Variants in CAB39L observed in about 807,000 individuals in gnomAD.
CAB39L encodes calcium binding protein 39 like, also known as calcium-binding protein 39-like.
CAB39L carries 23 observed loss-of-function variants against 39.1 expected under a neutral mutation model. The ratio of observed to expected loss-of-function variants is 0.59; its 90% CI spans 0.42 to 0.83. CAB39L has a LOEUF of 0.83. CAB39L is among the 40% of genes least tolerant of loss of function. The probability of loss-of-function intolerance (pLI) is 0.00; values close to 1 mark genes in which losing one functional copy is unlikely to be tolerated. For missense variants in CAB39L, 366 were observed against 391.9 expected (o/e 0.93, Z 0.56); for synonymous variants, 126 against 137.2 (o/e 0.92, Z 0.57).
At chr13:49,343,499 G>C (rs983259768) in intron 8 of CAB39L, among the ~76,000 whole-genome samples, 17 of 152,006 alleles carry the variant, frequency 1.1e-4, no homozygotes, top group African/African-American at 3.6e-4. Context: ...TGCCTCTTAG[G>C]GGGTGCAAGG....
intron 1 of CAB39L, among the ~76,000 whole-genome samples, chr13:49,438,626 A>T (rs1255851958): frequency 6.6e-6 from 1 of 152,234 alleles, no homozygotes; most frequent in Non-Finnish European, 1.5e-5. Context: ...TTAATATCTG[A>T]CATAAAATGT....
chr13:49,385,259 C>G (rs548796375), intron 3 of CAB39L, among the ~76,000 whole-genome samples: 7 of 152,306 alleles, frequency 4.6e-5, no homozygotes, highest in Non-Finnish European at 1.0e-4. Context: ...CCTCATGGAG[C>G]AATCTCTTTT....
intron 6 of CAB39L, among the ~76,000 whole-genome samples, chr13:49,358,200 G>A (rs1450288687): frequency 1.3e-5 from 2 of 152,134 alleles, no homozygotes; most frequent in African/African-American, 4.8e-5. Flanking sequence ...TTCCAGAGCT[G>A]AAAGAAACAA....
chr13:49,436,177 G>A (rs1168799771), intron 1 of CAB39L, among the ~76,000 whole-genome samples: 1 of 152,104 alleles, frequency 6.6e-6, no homozygotes, highest in Non-Finnish European at 1.5e-5. Flanking sequence ...CTTTCTGTCT[G>A]GAAGCCCAGA....
chr13:49,321,309 AT>A (rs1954332120), intron 10 of CAB39L, among the ~76,000 whole-genome samples: 1 of 152,304 alleles, frequency 6.6e-6, no homozygotes, highest in South Asian at 2.1e-4. Flanking sequence ...TTCCTTAACA[AT>A]ATGTTTTTTA....
chr13:49,440,297 T>C (rs1200555458), intron 1 of CAB39L, among the ~76,000 whole-genome samples: 1 of 152,106 alleles, frequency 6.6e-6, no homozygotes, highest in Non-Finnish European at 1.5e-5. Flanking sequence ...TGGTGTAAGG[T>C]AGAAGCCCAG....
intron 5 of CAB39L, among the ~76,000 whole-genome samples, chr13:49,366,627 A>T (rs1368338748): frequency 7.2e-5 from 3 of 41,870 alleles, no homozygotes; most frequent in Non-Finnish European, 1.8e-4. Flanking sequence ...AACTCTGTCT[A>T]AAAAAAAAAA....
At chr13:49,311,320 C>G (rs1180203668) in intron 10 of CAB39L, among the ~76,000 whole-genome samples, 1 of 152,138 alleles carries the variant, frequency 6.6e-6, no homozygotes. Context: ...GTAAACAAAC[C>G]TACTGCCCGG....
intron 5 of CAB39L, among the ~76,000 whole-genome samples, chr13:49,365,967 C>A (rs1003072494): frequency 6.6e-6 from 1 of 152,130 alleles, no homozygotes; most frequent in Admixed American, 6.5e-5. Flanking sequence ...AAGTACTATT[C>A]AGTCATAAAA....
intron 10 of CAB39L, among the ~76,000 whole-genome samples, chr13:49,313,840 T>G (rs796882361): frequency 6.6e-6 from 1 of 152,116 alleles, no homozygotes; most frequent in Admixed American, 6.5e-5. Context: ...GAACACACTA[T>G]GAAAGGGCTT....
At chr13:49,324,117 G>A (rs1030835612) in intron 10 of CAB39L, among the ~76,000 whole-genome samples, 4 of 151,872 alleles carry the variant, frequency 2.6e-5, no homozygotes, top group Non-Finnish European at 5.9e-5. Context: ...TTTGAGAACA[G>A]GTTGGCCAAC....
At chr13:49,331,797 T>C in intron 10 of CAB39L, 150 bp downstream of exon 10, 1 of 692,000 alleles carries the variant, frequency 1.4e-6, no homozygotes, top group Non-Finnish European at 2.4e-6. Flanking sequence ...TTAAGATAAC[T>C]CTGAAATTTC....
intron 5 of CAB39L, among the ~76,000 whole-genome samples, chr13:49,375,660 C>T (rs889195662): frequency 6.0e-5 from 9 of 151,028 alleles, no homozygotes; most frequent in East Asian, 1.9e-4. Context: ...GTCGGGGGAG[C>T]GGGGAGGGAT....
chr13:49,419,061 A>G (rs934751405), intron 3 of CAB39L, among the ~76,000 whole-genome samples: 1 of 152,062 alleles, frequency 6.6e-6, no homozygotes, highest in African/African-American at 2.4e-5. Flanking sequence ...TCTCCCTCCC[A>G]GGTTCAAGTG....
At chr13:49,314,581 A>G (rs1954100477) in intron 10 of CAB39L, among the ~76,000 whole-genome samples, 1 of 152,176 alleles carries the variant, frequency 6.6e-6, no homozygotes, top group Admixed American at 6.5e-5. Context: ...AACCCTCACA[A>G]CAGCCCTGAA....
At chr13:49,339,260 AGCTGAGATTACAGGAGCCCACCACCAC>A (rs1327026620) in intron 9 of CAB39L, among the ~76,000 whole-genome samples, 1 of 151,212 alleles carries the variant, frequency 6.6e-6, no homozygotes, top group Non-Finnish European at 1.5e-5. Context: ...CCTCCCGAGT[AGCTGAGATTACAGGAGCCCACCACCAC>A]GCCCAGCTAA....
chr13:49,377,387 G>C lies in CAB39L; in HGVS notation c.112-256C>G, dbSNP rs938308465. Among the ~76,000 whole-genome samples, 2 of 85,410 alleles carry C rather than the reference G, an allele frequency of 2.3e-5. 1 individual carries two copies. The highest frequency in any genetic ancestry group is 4.8e-5 in the Non-Finnish European group (2 of 42,082). The allele number at this position is 85,410 out of a possible 152,430, so 56.0% of individuals were successfully genotyped here. ...CCGGGGCTATACAAGAAACTTTTTCGGCTCTCCCTCTCCCTCTCCCTCTCC... is the reference window on the plus strand; with the variant it reads ...CCGGGGCTATACAAGAAACTTTTTCCGCTCTCCCTCTCCCTCTCCCTCTCC... On this transcript the variant is annotated intron_variant, in intron 4 of 10. Transcript: ENST00000409308.
At chr13:49,399,378 TCCACCTATTAAACTTG>T (rs1956716655) in intron 3 of CAB39L, among the ~76,000 whole-genome samples, 2 of 152,062 alleles carry the variant, frequency 1.3e-5, no homozygotes, top group African/African-American at 4.8e-5. Flanking sequence ...CAAATACCTA[TCCACCTATTAAACTTG>T]CTTTTCTTTA....
chr13:49,424,106 A>G (rs925924751), intron 3 of CAB39L, among the ~76,000 whole-genome samples: 4 of 152,246 alleles, frequency 2.6e-5, no homozygotes, highest in South Asian at 4.1e-4. Context: ...CAGGTGGAAC[A>G]TAACTCCCCA....
Sources: gnomAD v4.1 joint callset for allele counts (sites outside exome capture counted in the v4.1 genomes callset) on GRCh38, gnomAD v4.1.1 for gene constraint, MANE v1.5 for transcripts, NCBI Gene and HGNC (gene_info 2026-07-23, HGNC 2026-07-21) for gene names.